Variants in UBTF observed in about 807,000 individuals in gnomAD.
UBTF encodes nucleolar transcription factor 1.
In UBTF, 8 loss-of-function variants were observed where a neutral mutation model predicts 112.3. The ratio of observed to expected loss-of-function variants is 0.07; its 90% CI spans 0.04 to 0.13. The LOEUF is 0.13. Among genes scored for constraint, UBTF ranks in the 10% least tolerant of loss-of-function variants. The pLI is 1.00. For synonymous variants in UBTF, 417 were observed against 373.1 expected, an observed-to-expected ratio of 1.12 and a Z score of -1.36; for missense variants, 457 against 982.1, an observed-to-expected ratio of 0.47 and a Z score of 7.15.
chr17:44,211,435 G>A lies in UBTF; in HGVS notation c.1048-104C>T, dbSNP rs1307308343. 4.4e-6 allele frequency: 7 copies of A among 1,575,508 alleles called. No homozygotes were observed. Among genetic ancestry groups the A allele is most frequent in the Non-Finnish European group, 6.1e-6 (7 of 1,149,850 alleles). ...TTCAGCGGGCCTCCAGAGCCTGGGT[G>A]TGGGCTGGACTCCCTGCCTGGACGG... On this transcript the variant is annotated intron_variant, in intron 10 of 20. Coordinates refer to ENST00000436088, the MANE Select transcript of UBTF (RefSeq NM_014233.4). This position sits in a 1 kb window ranked among gnomAD's most constrained non-coding sequence, Gnocchi z 4.9.
intron 1 of UBTF, chr17:44,219,064 AGCCTGCGGCCCAGCCCCGCCGGC>A (rs1416500654): frequency 6.8e-6 from 1 of 147,744 alleles, no homozygotes; most frequent in Non-Finnish European, 1.5e-5. Flanking sequence ...TCCTCCCCCG[AGCCTGCGGCCCAGCCCCGCCGGC>A]GCCCCCGCCC....
In UBTF at chr17:44,207,498, A is replaced by G; in HGVS notation, c.2125T>C (p.Ser709Pro). The G allele has an allele frequency of 6.2e-7, 1 of 1,613,822 alleles. No individual in the cohort carries two copies. The highest frequency in any genetic ancestry group is 8.5e-7 in the Non-Finnish European group (1 of 1,179,960). The change falls in exon 20 of 21, where the codon TCC becomes CCC. Residue 709 changes from serine to proline, a missense_variant. Around this residue, in one of 7 missense-constraint regions of UBTF, gnomAD observed 139 missense variants for 157.5 expected, o/e 0.88. Transcript: ENST00000436088. ...TCGTCCTCGCTGCTGGACTCAGAGG[A>G]GTCGCCGCCATCTTCAGAGGAGTCC... ...NGDSSEDGGD[S>P]SESSSEDESE...
In UBTF at chr17:44,207,434, CTG is replaced by C; in HGVS notation, c.2169+18_2169+19del. ...CTGGCAGGACTCCCCTCCCCTCCCA[CTG>C]TGCCCTGTCTGCCCCACCTCATCCC... On this transcript the variant is annotated intron_variant, in intron 20 of 20. Transcript: ENST00000436088. 6.2e-7 allele frequency: 1 copy of C among 1,612,928 alleles called. No homozygotes were observed. Among genetic ancestry groups the C allele is most frequent in the Non-Finnish European group, 8.5e-7 (1 of 1,179,332 alleles).
chr17:44,206,256 A>G lies in UBTF; in HGVS notation c.*986T>C, dbSNP rs1020695843. Reference sequence around the variant, plus strand: ...GGAAGCATCCGAGAATGGCTTCAGCACACTCCCCCTAATGGAATCAGAGAC... The same window carrying G: ...GGAAGCATCCGAGAATGGCTTCAGCGCACTCCCCCTAATGGAATCAGAGAC... On this transcript the variant is annotated 3_prime_UTR_variant, in exon 21 of 21. Coordinates refer to ENST00000436088, the MANE Select transcript of UBTF (RefSeq NM_014233.4). 1 of 152,034 alleles carries G rather than the reference A, an allele frequency of 6.6e-6. No homozygotes were observed. The highest frequency in any genetic ancestry group is 2.4e-5 in the African/African-American group (1 of 41,344). 9.4% of individuals were successfully genotyped at this position (152,034 alleles called of 1,614,324 possible).
chr17:44,220,514 A>G (rs564694666), upstream of UBTF, among the ~76,000 whole-genome samples: 1 of 149,276 alleles, frequency 6.7e-6, no homozygotes, highest in Non-Finnish European at 1.5e-5. Context: ...TTAAAAAAAA[A>G]CCCGAAAACT....
rs2056194473 is a variant in UBTF at position 44,205,468 on chromosome 17, A to T, written c.*1774T>A. 1 of 152,376 alleles carries T rather than the reference A, an allele frequency of 6.6e-6. No individual in the cohort carries two copies. The highest frequency in any genetic ancestry group is 1.5e-5 in the Non-Finnish European group (1 of 68,048). 9.4% of individuals were successfully genotyped at this position (152,376 alleles called of 1,614,324 possible). ...GTTCTTTGCAGGGCTCTTGGGAAGA[A>T]ATAGAACCTATAAACCCCTGTACTT... On this transcript the variant is annotated 3_prime_UTR_variant, in exon 21 of 21. Transcript: ENST00000436088.
intron 1 of UBTF, 183 bp from the exon 2 acceptor site, chr17:44,218,479 C>T: frequency 2.0e-6 from 1 of 496,690 alleles, no homozygotes; most frequent in East Asian, 3.8e-5. Context: ...ACCCCCTCCC[C>T]CAGCCCCTGC....
chr17:44,209,457 G>T lies in UBTF; in HGVS notation c.1800C>A (p.Ile600=), dbSNP rs758417417. 4 of 1,614,160 alleles carry T rather than the reference G, an allele frequency of 2.5e-6. No homozygotes were observed. In the East Asian group the frequency reaches 6.7e-5, roughly 27 times the overall value. Residue 600 remains isoleucine, a synonymous_variant, in exon 17 of 21, where the codon ATC becomes ATA. Transcript: ENST00000436088. ...GGGAGATGCGCTGCCAGCGACTGCC[G>T]ATCTCCACCATGCGCTCCTTCAGCG... ...HLPLKERMVE[I]GSRWQRISQS...
rs2056508994 is a variant in UBTF, at chr17:44,209,430, C to G, written c.1827G>C (p.Gln609His). ...GCTTTTTGTAGTGCTCCTTCTGGCTCTGGGAGATGCGCTGCCAGCGACTGC... is the reference window on the plus strand; with the variant it reads ...GCTTTTTGTAGTGCTCCTTCTGGCTGTGGGAGATGCGCTGCCAGCGACTGC... ...EIGSRWQRIS[Q>H]SQKEHYKKLA... Residue 609 changes from glutamine to histidine, a missense_variant, in exon 17 of 21, where the codon CAG becomes CAC. Gln to His is a conservative substitution (Grantham distance 24, BLOSUM62 0). This residue lies in a region of UBTF where 77 missense variants were observed against 211.9 expected (regional missense o/e 0.36). Coordinates refer to ENST00000436088, the MANE Select transcript of UBTF (RefSeq NM_014233.4). 1 of 1,614,192 alleles carries G rather than the reference C, an allele frequency of 6.2e-7. No individual in the cohort carries two copies.
chr17:44,209,761 C>T (rs746502627), intron 15 of UBTF, 28 bp from the exon 16 acceptor site: 6 of 1,606,724 alleles, frequency 3.7e-6, no homozygotes, highest in Non-Finnish European at 5.1e-6. Context: ...ACGCTCACCC[C>T]CCAGTCCCAC....
chr17:44,212,300 G>A (rs778804921), intron 8 of UBTF, 44 bp downstream of exon 8: 1 of 1,541,594 alleles, frequency 6.5e-7, no homozygotes, highest in East Asian at 2.2e-5. Flanking sequence ...GAGGGCAGAG[G>A]CTCGTGAAGA....
At chr17:44,218,594 C>CAAAAAAAAAAAGAA (rs2046972472) in intron 1 of UBTF, 1 of 83,384 alleles carries the variant, frequency 1.2e-5, no homozygotes, top group East Asian at 5.1e-4. Flanking sequence ...CAACCCCAGC[C>CAAAAAAAAAAAGAA]AAAAAAAAAA....
At chr17:44,215,475 GACC>G in intron 5 of UBTF, 176 bp downstream of exon 5, 1 of 714,562 alleles carries the variant, frequency 1.4e-6, no homozygotes, top group South Asian at 1.9e-5. Context: ...GCCTGTGCCT[GACC>G]ATGTGTGGGC....
rs1235720175 is a variant in UBTF, at chr17:44,210,410, G to A, written c.1423C>T (p.Arg475Cys). The A allele has an allele frequency of 6.2e-7, 1 of 1,614,078 alleles. No homozygotes were observed. The highest frequency in any genetic ancestry group is 1.7e-5 in the Admixed American group (1 of 60,020). Residue 475 changes from arginine to cysteine, a missense_variant, in exon 14 of 21, where the codon CGC becomes TGC. Around this residue, in one of 7 missense-constraint regions of UBTF, gnomAD observed 108 missense variants for 137.4 expected, o/e 0.79. Transcript: ENST00000436088. ...TCGGGCAGCTTGCCCCGTTCCTCGC[G>A]CTCCCCGCCGGGCTTCCTCTCCGAC... is the stretch of plus-strand genomic sequence containing the variant. ...AQSERKPGGE[R>C]EERGKLPESP...
chr17:44,211,342 G>T lies in UBTF; in HGVS notation c.1048-11C>A, dbSNP rs199592029. The T allele has an allele frequency of 7.5e-5, 121 of 1,613,924 alleles. No individual in the cohort carries two copies. The highest frequency in any genetic ancestry group is 6.8e-6 in the Non-Finnish European group (8 of 1,179,998). Reference sequence around the variant, plus strand: ...GTAATCTTTCTTTTTCTGGGAAAGTGAGTGGAGTCAGGATCAGTCTGGAGA... The same window carrying T: ...GTAATCTTTCTTTTTCTGGGAAAGTTAGTGGAGTCAGGATCAGTCTGGAGA... On this transcript the variant is annotated splice_polypyrimidine_tract_variant and intron_variant, in intron 10 of 20. Transcript: ENST00000436088. This position sits in a 1 kb window ranked among gnomAD's most constrained non-coding sequence, Gnocchi z 4.9.
Position 44,211,208 on chromosome 17 carries a change from C to G in UBTF, c.1090-56G>C. ...TGCCTGGCACCCAGACTGCATGGTG[C>G]CCTATCTCCAGGGGCTCACCAGGGC... On this transcript the variant is annotated intron_variant, in intron 11 of 20. Transcript: ENST00000436088. This position sits in a 1 kb window ranked among gnomAD's most constrained non-coding sequence, Gnocchi z 4.9. 3 of 1,613,476 alleles carry G rather than the reference C, an allele frequency of 1.9e-6. No individual in the cohort carries two copies. Among genetic ancestry groups the G allele is most frequent in the Non-Finnish European group, 2.5e-6 (3 of 1,179,762 alleles).
chr17:44,215,759 G>A lies in UBTF; in HGVS notation c.369C>T (p.Phe123=). The part of the protein sequence containing the change: ...KKPLTPYFRF[F]MEKRAKYAKL... ...TCGCATACTTGGCCCGCTTCTCCAT[G>A]AAGAAGCGGAAATAAGGGGTCAGGG... The change falls in exon 5 of 21, where the codon TTC becomes TTT. Residue 123 remains phenylalanine, a synonymous_variant. Transcript: ENST00000436088. 6.2e-7 allele frequency: 1 copy of A among 1,614,138 alleles called. No individual in the cohort carries two copies. The highest frequency in any genetic ancestry group is 8.5e-7 in the Non-Finnish European group (1 of 1,180,020).
chr17:44,218,977 C>A (rs1343177188), intron 1 of UBTF: 2 of 137,024 alleles, frequency 1.5e-5, no homozygotes, highest in Non-Finnish European at 3.1e-5. Context: ...CGGCCAGAGG[C>A]GCCGCCACCG....
rs1453963376 is a variant in UBTF at position 44,211,504 on chromosome 17, C to A, written c.1047+102G>T. On this transcript the variant is annotated intron_variant, in intron 10 of 20. Transcript: ENST00000436088. The surrounding 1 kb of genome is among the most constrained non-coding windows in gnomAD (Gnocchi z 4.9). ...GCCCAGCCCCACACTGTATTGGAGG[C>A]AGGTACCCAAGGCACACGCCACCAG... The A allele has an allele frequency of 4.5e-6, 7 of 1,557,786 alleles. No homozygotes were observed. Among genetic ancestry groups the A allele is most frequent in the Non-Finnish European group, 6.1e-6 (7 of 1,149,012 alleles).
Sources: allele counts gnomAD v4.1 joint callset (sites outside exome capture counted in the v4.1 genomes callset), GRCh38; gene constraint gnomAD v4.1.1; regional missense constraint gnomAD v4.1.1; non-coding constraint Gnocchi (gnomAD v3.1); transcripts MANE v1.5; gene names NCBI Gene and HGNC (gene_info 2026-07-23, HGNC 2026-07-21).